The following DNAH11 variants were observed in gnomAD, a reference collection of about 807,000 sequenced individuals.
DNAH11 encodes the protein dynein axonemal heavy chain 11.
Under a neutral mutation model 526.0 loss-of-function variants are expected in DNAH11, and 442 were observed. That is an observed-to-expected ratio of 0.84 (90% CI 0.78 to 0.91). DNAH11 has a LOEUF of 0.91. DNAH11 is among the 40% of genes least tolerant of loss of function. The probability of loss-of-function intolerance (pLI) is 0.00; values close to 1 mark genes in which losing one functional copy is unlikely to be tolerated. For missense variants in DNAH11, 6,989 were observed against 5,448.7 expected (o/e 1.28, Z -8.90); for synonymous variants, 2,461 against 1,935.9 (o/e 1.27, Z -7.12).
At position 21,892,637 on chromosome 7, in the gene DNAH11, T is replaced by A; in HGVS notation, c.12720T>A (p.Gly4240=). The part of the protein sequence containing the change: ...LEMQPRNALS[G]DELGQSTEEK... ...TGCAGCCCAGGAATGCACTCAGTGG[T>A]GATGAACTGGGGCAGTCTACAGAAG... The change falls in exon 77 of 82, where the codon GGT becomes GGA. Residue 4240 remains glycine, a synonymous_variant. Transcript: ENST00000409508. 1 of 1,611,310 alleles carries A rather than the reference T, an allele frequency of 6.2e-7. No homozygotes were observed. The highest frequency in any genetic ancestry group is 8.5e-7 in the Non-Finnish European group (1 of 1,178,350).
In DNAH11 at chr7:21,683,940, G is replaced by C; in HGVS notation, c.5617G>C (p.Asp1873His). 2 of 1,612,182 alleles carry C rather than the reference G, an allele frequency of 1.2e-6. No individual in the cohort carries two copies. The highest frequency in any genetic ancestry group is 1.7e-6 in the Non-Finnish European group (2 of 1,178,974). The change falls in exon 32 of 82, where the codon GAC (aspartate) becomes CAC (histidine). Residue 1873 changes from aspartate to histidine, a missense_variant. Coordinates refer to ENST00000409508, the MANE Select transcript of DNAH11 (RefSeq NM_001277115.2). ...TCGACTAGTGATCACTCCTCTAACTGACAGGTAACAATTCAAAGTTTCCGT... is the reference window on the plus strand; with the variant it reads ...TCGACTAGTGATCACTCCTCTAACTCACAGGTAACAATTCAAAGTTTCCGT... ...SPRLVITPLTDRCYITLTQSL... is the reference protein window; with the variant it reads ...SPRLVITPLTHRCYITLTQSL...
chr7:21,606,652 G>A lies in DNAH11; in HGVS notation c.3771G>A (p.Lys1257=), dbSNP rs762525044. 46 of 1,298,960 alleles carry A rather than the reference G, an allele frequency of 3.5e-5. No individual in the cohort carries two copies. Among genetic ancestry groups the A allele is most frequent in the African/African-American group, 1.8e-4 (11 of 61,398 alleles). The allele number at this position is 1,298,960 out of a possible 1,614,324, so 80.5% of individuals were successfully genotyped here. A position where few individuals can be genotyped will look rare whatever the true frequency, so the allele number is the denominator to read the frequency against. ...TTTTTTTTTGCAATGATCAGGCAAA[G>A]CAGGCAGAGTTCAGAGAGAGATTCA... The part of the protein sequence containing the change: ...IRKKCILFDA[K]QAEFRERFRH... Residue 1257 remains lysine (K), a synonymous_variant, in exon 20 of 82, where the codon AAG becomes AAA. Coordinates refer to ENST00000409508, the MANE Select transcript of DNAH11 (RefSeq NM_001277115.2).
chr7:21,872,982 T>G (rs1458894978), intron 73 of DNAH11, among the ~76,000 whole-genome samples: 3 of 152,162 alleles, frequency 2.0e-5, no homozygotes, highest in Non-Finnish European at 4.4e-5. Context: ...CAGAAGTGAC[T>G]GGTGGGCTTT....
At chr7:21,567,011 C>G (rs1050817346) in intron 6 of DNAH11, among the ~76,000 whole-genome samples, 1 of 152,164 alleles carries the variant, frequency 6.6e-6, no homozygotes, top group Non-Finnish European at 1.5e-5. Context: ...CCTCTTTTGA[C>G]TGGAATGATT....
At chr7:21,628,496 T>C (rs147667680) in intron 25 of DNAH11, among the ~76,000 whole-genome samples, 87 of 152,292 alleles carry the variant, frequency 5.7e-4, no homozygotes, top group African/African-American at 1.9e-3. Flanking sequence ...GTTTTTATCA[T>C]AAACGGATGT....
At chr7:21,617,823 G>A in intron 23 of DNAH11, 46 bp downstream of exon 23, 1 of 1,498,868 alleles carries the variant, frequency 6.7e-7, no homozygotes, top group African/African-American at 1.4e-5. Context: ...TGACTGTGAA[G>A]TGTTACTTCT....
chr7:21,834,886 G>A (rs559862264), intron 65 of DNAH11, among the ~76,000 whole-genome samples: 17 of 152,036 alleles, frequency 1.1e-4, no homozygotes, highest in Admixed American at 2.0e-4. Context: ...AACAAGATCA[G>A]CAAACCTCTA....
chr7:21,901,331 C>CTGAAGAGCG lies in DNAH11; in HGVS notation c.*77_*78insTGAAGAGCG. 7.0e-7 allele frequency: 1 copy of CTGAAGAGCG among 1,423,250 alleles called. No individual in the cohort carries two copies. The highest frequency in any genetic ancestry group is 9.3e-7 in the Non-Finnish European group (1 of 1,079,118). 88.2% of individuals were successfully genotyped at this position (1,423,250 alleles called of 1,614,324 possible). On this transcript the variant is annotated 3_prime_UTR_variant, in exon 82 of 82. Coordinates refer to ENST00000409508, the MANE Select transcript of DNAH11 (RefSeq NM_001277115.2). ...AGCATGTTGCTGCACTGTTCCCATG[C>CTGAAGAGCG]ACATTATTCTAACTTTTTAGTAACT...
At chr7:21,629,139 T>G (rs1490683774) in intron 25 of DNAH11, among the ~76,000 whole-genome samples, 1 of 152,148 alleles carries the variant, frequency 6.6e-6, no homozygotes, top group East Asian at 1.9e-4. Context: ...TTTTTACATT[T>G]GCTTCTTAAT....
At chr7:21,748,342 G>A (rs1221535675) in intron 51 of DNAH11, among the ~76,000 whole-genome samples, 2 of 152,048 alleles carry the variant, frequency 1.3e-5, no homozygotes, top group Non-Finnish European at 2.9e-5. Context: ...AAATCAGCTG[G>A]GCATGGTGGT....
chr7:21,887,591 A>C (rs1307888991), intron 76 of DNAH11, among the ~76,000 whole-genome samples: 1 of 152,202 alleles, frequency 6.6e-6, no homozygotes, highest in Non-Finnish European at 1.5e-5. Flanking sequence ...AGAATGATCA[A>C]CTTACAGGTT....
Position 21,738,745 on chromosome 7 carries a change from G to T in DNAH11, c.7690G>T (p.Gly2564Cys), listed in dbSNP as rs747035323. 9 of 1,585,554 alleles carry T rather than the reference G, an allele frequency of 5.7e-6. No individual in the cohort carries two copies. In the South Asian group the frequency reaches 1.0e-4, roughly 18 times the overall value. The change falls in exon 47 of 82, where the codon GGT becomes TGT. Residue 2564 changes from glycine (G) to cysteine (C), a missense_variant. By Grantham distance (159) the Gly-to-Cys change is radical (BLOSUM62 -3). Coordinates refer to ENST00000409508, the MANE Select transcript of DNAH11 (RefSeq NM_001277115.2). ...AGAGAAAAAAGCTGGTCATAACTAT[G>T]GTCCTGGAGGAAATAAAAAATTGAT... The part of the protein sequence containing the change: ...PLEKKAGHNY[G>C]PGGNKKLIYF...
chr7:21,607,345 G>C (rs1237930210), intron 20 of DNAH11, among the ~76,000 whole-genome samples: 1 of 152,014 alleles, frequency 6.6e-6, no homozygotes, highest in East Asian at 1.9e-4. Context: ...CCAGATTGAG[G>C]GTGGGTTTGC....
chr7:21,809,271 G>A (rs368181670), intron 63 of DNAH11, among the ~76,000 whole-genome samples: 17 of 152,200 alleles, frequency 1.1e-4, no homozygotes, highest in African/African-American at 4.1e-4. Context: ...AGTTCCTTAT[G>A]TATTCTGGTT....
At chr7:21,544,787 C>G (rs1012578993) in intron 1 of DNAH11, among the ~76,000 whole-genome samples, 4 of 151,898 alleles carry the variant, frequency 2.6e-5, no homozygotes, top group African/African-American at 9.7e-5. Flanking sequence ...GGTGATATTT[C>G]CACACCAGTA....
At position 21,852,641 on chromosome 7, in the gene DNAH11, G is replaced by T; in HGVS notation, c.11061+10G>T. On this transcript the variant is annotated intron_variant, in intron 67 of 81. Coordinates refer to ENST00000409508, the MANE Select transcript of DNAH11 (RefSeq NM_001277115.2). ...AGAGATAGAGCACAAGGTAGGAAGGGCAGAGGGTGCCTGGCAGATTCTAAT... is the reference window on the plus strand; with the variant it reads ...AGAGATAGAGCACAAGGTAGGAAGGTCAGAGGGTGCCTGGCAGATTCTAAT... The T allele has an allele frequency of 6.4e-7, 1 of 1,567,828 alleles. No individual in the cohort carries two copies. Among genetic ancestry groups the T allele is most frequent in the Non-Finnish European group, 8.6e-7 (1 of 1,160,334 alleles).
At chr7:21,750,086 A>G (rs1348063820) in intron 53 of DNAH11, 136 bp from the exon 54 acceptor site, 1 of 1,222,758 alleles carries the variant, frequency 8.2e-7, no homozygotes, top group African/African-American at 1.5e-5. Flanking sequence ...TAAAAAAGAA[A>G]CATGACGTTT....
At chr7:21,799,470 T>A (rs1788870954) in intron 61 of DNAH11, among the ~76,000 whole-genome samples, 1 of 152,166 alleles carries the variant, frequency 6.6e-6, no homozygotes, top group African/African-American at 2.4e-5. Context: ...CCCGAGTAGC[T>A]GGGATTACAG....
At chr7:21,707,618 G>C in intron 39 of DNAH11, 81 bp from the exon 40 acceptor site, 1 of 1,506,630 alleles carries the variant, frequency 6.6e-7, no homozygotes, top group Non-Finnish European at 8.9e-7. Flanking sequence ...AATGAATACG[G>C]AAAACTCTTC....
Sources: allele counts gnomAD v4.1 joint callset (sites outside exome capture counted in the v4.1 genomes callset), GRCh38; gene constraint gnomAD v4.1.1; transcripts MANE v1.5; gene names NCBI Gene and HGNC (gene_info 2026-07-23, HGNC 2026-07-21).